Variants in DEPDC5 observed in about 807,000 individuals in gnomAD.
DEPDC5 encodes DEP domain containing 5, GATOR1 subcomplex subunit, also known as GATOR1 complex protein DEPDC5.
DEPDC5 carries 73 observed loss-of-function variants against 217.3 expected under a neutral mutation model. The ratio of observed to expected loss-of-function variants is 0.34; its 90% CI spans 0.28 to 0.41. DEPDC5 has a LOEUF of 0.41. Among genes scored for constraint, DEPDC5 ranks in the 10% least tolerant of loss-of-function variants. The pLI is 1.00. For synonymous variants in DEPDC5, 733 were observed against 756.7 expected, an observed-to-expected ratio of 0.97 and a Z score of 0.51; for missense variants, 1,675 against 2,070.1, an observed-to-expected ratio of 0.81 and a Z score of 3.70.
At chr22:31,769,931 A>T (rs913174217) in intron 7 of DEPDC5, among the ~76,000 whole-genome samples, 24 of 151,564 alleles carry the variant, frequency 1.6e-4, no homozygotes, top group Non-Finnish European at 1.5e-4. Flanking sequence ...TCAAAAAAAA[A>T]ATTCAGAAAG....
At chr22:31,790,729 ATC>A (rs762258761) in intron 10 of DEPDC5, among the ~76,000 whole-genome samples, 156 of 143,528 alleles carry the variant, frequency 1.1e-3, no homozygotes, top group Non-Finnish European at 1.7e-3. Context: ...ATGAAACCCT[ATC>A]TCTCTTTTTT....
Position 31,879,620 on chromosome 22 carries a change from G to A in DEPDC5, c.3901G>A (p.Glu1301Lys), listed in dbSNP as rs762142759. 2 of 1,614,046 alleles carry A rather than the reference G, an allele frequency of 1.2e-6. No homozygotes were observed. ...GTGGTTTGAGGTGGCCTTTGTGGCA[G>A]AAGAGCTCGTGCACTCTGAGATTCC... ...RKWFEVAFVA[E>K]ELVHSEIPAF... Residue 1301 changes from glutamate to lysine, a missense_variant, in exon 38 of 43, where the codon GAA (glutamate) becomes AAA (lysine). By Grantham distance (56) the Glu-to-Lys change is moderately conservative (BLOSUM62 1). Around this residue, in one of 11 missense-constraint regions of DEPDC5, gnomAD observed 194 missense variants for 199.3 expected, o/e 0.97. Coordinates refer to ENST00000651528, the MANE Select transcript of DEPDC5 (RefSeq NM_001242896.3).
At chr22:31,759,961 G>A (rs1416492900) in intron 3 of DEPDC5, among the ~76,000 whole-genome samples, 1 of 151,982 alleles carries the variant, frequency 6.6e-6, no homozygotes, top group African/African-American at 2.4e-5. Context: ...GGGATTATAG[G>A]CATGAGCCAC....
chr22:31,822,491 A>C (rs112145120), intron 23 of DEPDC5, among the ~76,000 whole-genome samples: 26 of 152,192 alleles, frequency 1.7e-4, no homozygotes, highest in Admixed American at 1.7e-3. Flanking sequence ...TGCCAGGGTC[A>C]CAAGGAGCCG....
In DEPDC5 at chr22:31,821,623, T is replaced by C; in HGVS notation, c.1992T>C (p.His664=). Reference sequence around the variant, plus strand: ...CAGAGCTGCTGGAGTTAGCATATCATGAAGCTGCTGGAAGGTGAGGATGTG... The same window carrying C: ...CAGAGCTGCTGGAGTTAGCATATCACGAAGCTGCTGGAAGGTGAGGATGTG... ...SSAELLELAY[H]EAAGRHSNSR... The change falls in exon 23 of 43, where the codon CAT becomes CAC. Residue 664 remains histidine (H), a synonymous_variant. Coordinates refer to ENST00000651528, the MANE Select transcript of DEPDC5 (RefSeq NM_001242896.3). 6.2e-7 allele frequency: 1 copy of C among 1,613,548 alleles called. No individual in the cohort carries two copies. Among genetic ancestry groups the C allele is most frequent in the African/African-American group, 1.3e-5 (1 of 75,046 alleles).
intron 10 of DEPDC5, among the ~76,000 whole-genome samples, chr22:31,790,283 TTAAGA>T (rs1289839323): frequency 6.6e-6 from 1 of 152,166 alleles, no homozygotes; most frequent in African/African-American, 2.4e-5. Flanking sequence ...CTAAGCATAC[TTAAGA>T]TAAAGATGGG....
intron 20 of DEPDC5, among the ~76,000 whole-genome samples, chr22:31,812,420 CTTTTT>C (rs57618137): frequency 1.0e-5 from 1 of 98,284 alleles, no homozygotes; most frequent in Non-Finnish European, 1.9e-5. Flanking sequence ...TTCCATATTT[CTTTTT>C]TTTTTTTTTT....
At chr22:31,840,316 A>C (rs954632293) in intron 27 of DEPDC5, among the ~76,000 whole-genome samples, 1 of 152,238 alleles carries the variant, frequency 6.6e-6, no homozygotes, top group Non-Finnish European at 1.5e-5. Flanking sequence ...CATAACAGGC[A>C]GAGGCCAGTT....
intron 32 of DEPDC5, among the ~76,000 whole-genome samples, chr22:31,859,946 G>A (rs897961956): frequency 6.6e-6 from 1 of 152,202 alleles, no homozygotes; most frequent in Non-Finnish European, 1.5e-5. Flanking sequence ...GGAACAATGA[G>A]ATAAAATTAC....
intron 31 of DEPDC5, among the ~76,000 whole-genome samples, chr22:31,848,394 C>T (rs571577946): frequency 3.5e-4 from 53 of 152,320 alleles, no homozygotes; most frequent in Non-Finnish European, 7.1e-4. Flanking sequence ...TTCTGCCTCC[C>T]CTGAAATCTA....
At chr22:31,895,509 C>T (rs2093533967) in intron 39 of DEPDC5, among the ~76,000 whole-genome samples, 2 of 152,174 alleles carry the variant, frequency 1.3e-5, no homozygotes. Context: ...GTGTGCCACT[C>T]CTTTTTATAC....
At chr22:31,905,924 C>A in intron 41 of DEPDC5, 60 bp from the exon 42 acceptor site, 1 of 1,464,446 alleles carries the variant, frequency 6.8e-7, no homozygotes, top group South Asian at 1.2e-5. Context: ...GCTACATTCT[C>A]TTCCCTTGCC....
In DEPDC5 at chr22:31,838,674, G is replaced by T. The variant is rs201874907; in HGVS notation, c.2355-11G>T. Reference sequence around the variant, plus strand: ...CAAGCATCTGTATGAGCAATCATCTGTTGTTTTCAGGAGGGACGAAGATGG... The same window carrying T: ...CAAGCATCTGTATGAGCAATCATCTTTTGTTTTCAGGAGGGACGAAGATGG... On this transcript the variant is annotated splice_polypyrimidine_tract_variant and intron_variant, in intron 26 of 42. Transcript: ENST00000651528. 5 of 1,613,504 alleles carry T rather than the reference G, an allele frequency of 3.1e-6. No homozygotes were observed. The Admixed American group carries it at 8.3e-5, about 27-fold the overall frequency.
At chr22:31,850,499 C>T (rs1352577218) in intron 31 of DEPDC5, among the ~76,000 whole-genome samples, 2 of 152,140 alleles carry the variant, frequency 1.3e-5, no homozygotes, top group African/African-American at 4.8e-5. Flanking sequence ...GAAACTTTAG[C>T]ATAAGTATGT....
At chr22:31,771,914 C>A (rs931007253) in intron 7 of DEPDC5, among the ~76,000 whole-genome samples, 3 of 151,828 alleles carry the variant, frequency 2.0e-5, no homozygotes, top group Non-Finnish European at 4.4e-5. Context: ...CAAAAAAATA[C>A]AAAAATTAGC....
At position 31,845,145 on chromosome 22, in the gene DEPDC5, G is replaced by A; in HGVS notation, c.2929G>A (p.Glu977Lys). The A allele has an allele frequency of 1.2e-6, 2 of 1,614,188 alleles. No individual in the cohort carries two copies. Among genetic ancestry groups the A allele is most frequent in the Non-Finnish European group, 1.7e-6 (2 of 1,180,026 alleles). Residue 977 changes from glutamate (E) to lysine (K), a missense_variant, in exon 30 of 43, where the codon GAG becomes AAG. Physicochemically the swap from Glu to Lys is moderately conservative, Grantham distance 56. This residue lies in a region of DEPDC5 where 293 missense variants were observed against 386.1 expected (regional missense o/e 0.76). Coordinates refer to ENST00000651528, the MANE Select transcript of DEPDC5 (RefSeq NM_001242896.3). ...CTATGGGGACAGGCCCCGTGCAGACGAGGACGAGTGGCAACTCCTGGATGG... is the reference window on the plus strand; with the variant it reads ...CTATGGGGACAGGCCCCGTGCAGACAAGGACGAGTGGCAACTCCTGGATGG... Reference protein sequence around the residue: ...DIYGDRPRADEDEWQLLDGFV... With the variant: ...DIYGDRPRADKDEWQLLDGFV...
At chr22:31,856,275 A>T (rs1231168729) in intron 31 of DEPDC5, among the ~76,000 whole-genome samples, 1 of 151,544 alleles carries the variant, frequency 6.6e-6, no homozygotes, top group Admixed American at 6.6e-5. Flanking sequence ...ATGGCAGCCC[A>T]TGCAGCTGGG....
At chr22:31,780,687 GTCCACC>G (rs2084339255) in intron 8 of DEPDC5, among the ~76,000 whole-genome samples, 1 of 152,094 alleles carries the variant, frequency 6.6e-6, no homozygotes, top group African/African-American at 2.4e-5. Context: ...AGCCTTCCTG[GTCCACC>G]AGGCTGGAAG....
At position 31,906,398 on chromosome 22, in the gene DEPDC5, G is replaced by A; in HGVS notation, c.4713G>A (p.Arg1571=). 1 of 1,614,090 alleles carries A rather than the reference G, an allele frequency of 6.2e-7. No individual in the cohort carries two copies. Among genetic ancestry groups the A allele is most frequent in the Non-Finnish European group, 8.5e-7 (1 of 1,180,002 alleles). The stretch of plus-strand genomic sequence containing the variant: ...CAGGGGATGAAAAGTTTGCTGATCG[G>A]CTGCTGAAGGACTTCACGGACTTCT... The part of the protein sequence containing the change: ...SATGDEKFAD[R]LLKDFTDFCI... The change falls in exon 43 of 43, where the codon CGG becomes CGA. Residue 1571 remains arginine, a synonymous_variant. Transcript: ENST00000651528. This position sits in a 1 kb window ranked among gnomAD's most constrained non-coding sequence, Gnocchi z 5.1.
Sources: gnomAD v4.1 joint callset for allele counts (sites outside exome capture counted in the v4.1 genomes callset) on GRCh38, gnomAD v4.1.1 for gene constraint, gnomAD v4.1.1 regional missense constraint, Gnocchi (gnomAD v3.1) non-coding constraint, MANE v1.5 for transcripts, NCBI Gene and HGNC (gene_info 2026-07-23, HGNC 2026-07-21) for gene names.